Variants in FBXL17 observed in about 807,000 individuals in gnomAD.
FBXL17 encodes F-box and leucine rich repeat protein 17, also known as F-box/LRR-repeat protein 17.
FBXL17 carries 22 observed loss-of-function variants against 66.2 expected under a neutral mutation model. The ratio of observed to expected loss-of-function variants is 0.33; its 90% confidence interval spans 0.24 to 0.47. The LOEUF is 0.47. Ranked by LOEUF, FBXL17 falls within the 20% of genes least tolerant of loss-of-function variation. The pLI, the probability that FBXL17 is intolerant of heterozygous loss-of-function variation, is 1.00. For synonymous variants in FBXL17, 474 were observed against 400.5 expected, an observed-to-expected ratio of 1.18 and a Z score of -2.19; for missense variants, 878 against 948.2, an observed-to-expected ratio of 0.93 and a Z score of 0.97.
At chr5:107,987,637 C>T (rs1753071848) in intron 7 of FBXL17, among the ~76,000 whole-genome samples, 1 of 151,976 alleles carries the variant, frequency 6.6e-6, no homozygotes, top group Admixed American at 6.6e-5. Context: ...AAGATAAAAC[C>T]TCTTCGTGAA....
intron 4 of FBXL17, among the ~76,000 whole-genome samples, chr5:108,333,718 G>GAAAGGGCAGGGAAA (rs1245618663): frequency 6.6e-6 from 1 of 152,098 alleles, no homozygotes; most frequent in East Asian, 1.9e-4. Context: ...CTCTAAAGAT[G>GAAAGGGCAGGGAAA]AAAGGGCAGG....
intron 7 of FBXL17, among the ~76,000 whole-genome samples, chr5:108,013,923 A>G (rs951637285): frequency 2.0e-5 from 3 of 152,152 alleles, no homozygotes; most frequent in Non-Finnish European, 2.9e-5. Context: ...TGTTTGGCAT[A>G]CTGGAAGTCT....
chr5:108,379,435 A>G (rs1749686157), intron 1 of FBXL17, among the ~76,000 whole-genome samples: 1 of 152,238 alleles, frequency 6.6e-6, no homozygotes, highest in Non-Finnish European at 1.5e-5. Flanking sequence ...GAATTAGATC[A>G]TTACATTTTG....
intron 5 of FBXL17, among the ~76,000 whole-genome samples, chr5:108,198,220 G>A (rs1472216028): frequency 1.3e-5 from 2 of 152,048 alleles, no homozygotes; most frequent in African/African-American, 2.4e-5. Flanking sequence ...AATAACCTAG[G>A]CATTCAGCAG....
intron 3 of FBXL17, among the ~76,000 whole-genome samples, chr5:108,357,393 C>A (rs2112529756): frequency 6.6e-6 from 1 of 152,080 alleles, no homozygotes; most frequent in Non-Finnish European, 1.5e-5. Flanking sequence ...CTATTAGAGA[C>A]CTTAATATCC....
intron 5 of FBXL17, among the ~76,000 whole-genome samples, chr5:108,187,281 A>ATAT (rs1360119740): frequency 6.6e-6 from 1 of 152,218 alleles, no homozygotes; most frequent in Non-Finnish European, 1.5e-5. Context: ...TTTTTGCTTA[A>ATAT]TAATATGCAA....
chr5:108,009,053 C>G (rs376729327), intron 7 of FBXL17, among the ~76,000 whole-genome samples: 41 of 150,428 alleles, frequency 2.7e-4, no homozygotes, highest in South Asian at 1.3e-3. Context: ...TAAAAATACA[C>G]AAGTATCAAT....
intron 6 of FBXL17, among the ~76,000 whole-genome samples, chr5:108,061,052 C>A (rs1747899851): frequency 1.3e-5 from 2 of 151,842 alleles, no homozygotes; most frequent in African/African-American, 2.4e-5. Context: ...TTTGGGAGGG[C>A]AAAGTGGGCA....
At chr5:108,205,610 G>A (rs888248181) in intron 5 of FBXL17, among the ~76,000 whole-genome samples, 6 of 152,042 alleles carry the variant, frequency 3.9e-5, no homozygotes, top group South Asian at 2.1e-4. Flanking sequence ...GGTCATTTGC[G>A]TTAGACAAAT....
chr5:108,252,336 C>T (rs1176376469), intron 4 of FBXL17, among the ~76,000 whole-genome samples: 1 of 151,806 alleles, frequency 6.6e-6, no homozygotes, highest in Non-Finnish European at 1.5e-5. Flanking sequence ...AATTAAGCTG[C>T]AATGGAAAAC....
intron 6 of FBXL17, among the ~76,000 whole-genome samples, chr5:108,109,645 G>C (rs1749952769): frequency 6.6e-6 from 1 of 152,044 alleles, no homozygotes; most frequent in African/African-American, 2.4e-5. Flanking sequence ...TCTGAGCCAT[G>C]AACCTAGTAA....
Position 108,273,893 on chromosome 5 carries a change from T to C in FBXL17, c.1507-49665A>G, listed in dbSNP as rs552345197. On this transcript the variant is annotated intron_variant, in intron 4 of 8. Coordinates refer to ENST00000542267, the MANE Select transcript of FBXL17 (RefSeq NM_001163315.3). ...GAATGAAAAGCTATATTTCAACAGA[T>C]ACAGTGATCATTAAAAAGTAGTAAA... Among the ~76,000 whole-genome samples the C allele has an allele frequency of 2.6e-5, 4 of 152,040 alleles. No individual in the cohort carries two copies. In the South Asian group the frequency reaches 8.3e-4, roughly 32 times the overall value.
At chr5:108,105,822 T>C (rs557029993) in intron 6 of FBXL17, among the ~76,000 whole-genome samples, 52 of 152,284 alleles carry the variant, frequency 3.4e-4, no homozygotes, top group Non-Finnish European at 6.8e-4. Context: ...TATATCTTAT[T>C]AGGGAAAGGC....
chr5:108,104,488 A>G (rs961624414), intron 6 of FBXL17, among the ~76,000 whole-genome samples: 4 of 152,260 alleles, frequency 2.6e-5, no homozygotes, highest in Admixed American at 1.3e-4. Flanking sequence ...AAAATGTCCA[A>G]TTTAACCAAC....
intron 6 of FBXL17, among the ~76,000 whole-genome samples, chr5:108,038,467 G>T (rs1234402938): frequency 2.0e-5 from 3 of 151,828 alleles, no homozygotes; most frequent in African/African-American, 7.3e-5. Context: ...TTCGGTGATG[G>T]GTACACAAAG....
chr5:108,063,233 C>G (rs765163107), intron 6 of FBXL17, among the ~76,000 whole-genome samples: 1 of 152,094 alleles, frequency 6.6e-6, no homozygotes. Context: ...AGAGATTCAG[C>G]ATTTGTCCTA....
At chr5:108,091,720 A>G (rs1332380492) in intron 6 of FBXL17, among the ~76,000 whole-genome samples, 1 of 152,204 alleles carries the variant, frequency 6.6e-6, no homozygotes, top group Non-Finnish European at 1.5e-5. Flanking sequence ...AGCTTAGCAC[A>G]GCAGGACCCT....
At chr5:108,078,322 C>T (rs1307264831) in intron 6 of FBXL17, among the ~76,000 whole-genome samples, 2 of 152,164 alleles carry the variant, frequency 1.3e-5, no homozygotes, top group African/African-American at 4.8e-5. Context: ...TCTCTAACAA[C>T]CTCTAACCCA....
At chr5:108,288,629 A>C (rs1757995568) in intron 4 of FBXL17, among the ~76,000 whole-genome samples, 1 of 152,054 alleles carries the variant, frequency 6.6e-6, no homozygotes, top group African/African-American at 2.4e-5. Context: ...AAAATGATGG[A>C]AGGGAGGAAA....
Sources: gnomAD v4.1 joint callset for allele counts (sites outside exome capture counted in the v4.1 genomes callset) on GRCh38, gnomAD v4.1.1 for gene constraint, MANE v1.5 for transcripts, NCBI Gene and HGNC (gene_info 2026-07-23, HGNC 2026-07-21) for gene names.